Variants in CFAP54 observed in about 807,000 individuals in gnomAD.
CFAP54 encodes cilia and flagella associated protein 54.
Under a neutral mutation model 370.4 loss-of-function variants are expected in CFAP54, and 290 were observed. The observed-to-expected ratio is 0.78, with a 90% CI of 0.71 to 0.86. CFAP54 has a LOEUF of 0.86. CFAP54 is among the 40% of genes least tolerant of loss of function. CFAP54 has a pLI of 0.00. For missense variants in CFAP54, 3,399 were observed against 3,528.7 expected, an observed-to-expected ratio of 0.96 and a Z score of 0.93; for synonymous variants, 1,206 against 1,236.5, an observed-to-expected ratio of 0.98 and a Z score of 0.52.
chr12:96,623,420 C>A (rs575075133), intron 27 of CFAP54, among the ~76,000 whole-genome samples: 2 of 152,254 alleles, frequency 1.3e-5, no homozygotes, highest in African/African-American at 4.8e-5. Context: ...TTTCTGAGGG[C>A]AGGCTGGGAA....
At chr12:96,741,670 T>C (rs1446081644) in intron 51 of CFAP54, among the ~76,000 whole-genome samples, 1 of 152,216 alleles carries the variant, frequency 6.6e-6, no homozygotes, top group African/African-American at 2.4e-5. Flanking sequence ...AAGTTCCTAG[T>C]GTCTACGATG....
chr12:96,793,180 C>T (rs1958720796), intron 63 of CFAP54, among the ~76,000 whole-genome samples: 1 of 152,022 alleles, frequency 6.6e-6, no homozygotes, highest in Non-Finnish European at 1.5e-5. Flanking sequence ...TACCCTGCCT[C>T]ACCCCTGCTC....
chr12:96,752,144 C>T (rs1020019698), intron 55 of CFAP54, among the ~76,000 whole-genome samples: 18 of 93,488 alleles, frequency 1.9e-4, no homozygotes, highest in African/African-American at 5.3e-4. Context: ...TTGAGGCTGT[C>T]CATCATCCTG....
intron 9 of CFAP54, among the ~76,000 whole-genome samples, chr12:96,532,369 G>T (rs1407179127): frequency 6.6e-6 from 1 of 152,146 alleles, no homozygotes; most frequent in Non-Finnish European, 1.5e-5. Context: ...GGGCACATGT[G>T]GGTGCACATG....
intron 50 of CFAP54, among the ~76,000 whole-genome samples, chr12:96,734,459 A>T (rs1362905632): frequency 1.3e-5 from 2 of 152,134 alleles, no homozygotes; most frequent in Non-Finnish European, 2.9e-5. Context: ...CTCCATATGT[A>T]CTTTTGGATT....
Position 96,529,469 on chromosome 12 carries a change from C to G in CFAP54, c.1357+2025C>G, listed in dbSNP as rs146178190. The stretch of plus-strand genomic sequence containing the variant: ...AGTGGTTTTTTTTAGTTTGCACACC[C>G]ATCAACATTTTATCAGGGTTCCATT... On this transcript the variant is annotated intron_variant, in intron 9 of 67. Transcript: ENST00000524981. 4.3e-3 allele frequency among the ~76,000 whole-genome samples: 647 copies of G among 152,156 alleles called. 7 individuals are homozygous for G. Among genetic ancestry groups the G allele is most frequent in the African/African-American group, 0.015 (612 of 41,484 alleles).
chr12:96,645,850 A>C (rs563739557), intron 33 of CFAP54: 1 of 152,264 alleles, frequency 6.6e-6, no homozygotes, highest in African/African-American at 2.4e-5. Flanking sequence ...AAAATGGGGA[A>C]AGGATTCCCT....
At chr12:96,875,038 G>A (rs1257366529) in intron 67 of CFAP54, 80 bp from the exon 68 acceptor site, 10 of 152,152 alleles carry the variant, frequency 6.6e-5, no homozygotes, top group Admixed American at 6.5e-4. Flanking sequence ...GTTAACAGGT[G>A]AGGTGAAATG....
At chr12:96,692,472 A>T (rs1957398416) in intron 44 of CFAP54, among the ~76,000 whole-genome samples, 1 of 152,230 alleles carries the variant, frequency 6.6e-6, no homozygotes, top group African/African-American at 2.4e-5. Flanking sequence ...GCAGCAATAA[A>T]ATGGTGTGTT....
At chr12:96,624,675 G>A (rs1956532630) in intron 28 of CFAP54, among the ~76,000 whole-genome samples, 1 of 152,096 alleles carries the variant, frequency 6.6e-6, no homozygotes, top group South Asian at 2.1e-4. Context: ...CAAGTACGAG[G>A]CTCTACTTTT....
chr12:96,809,980 C>T (rs1185766614), intron 63 of CFAP54, among the ~76,000 whole-genome samples: 4 of 152,124 alleles, frequency 2.6e-5, no homozygotes, highest in African/African-American at 9.7e-5. Context: ...TACCTAACGT[C>T]CCTTAGCATA....
chr12:96,688,641 A>G (rs983635439), intron 42 of CFAP54, among the ~76,000 whole-genome samples: 1 of 152,166 alleles, frequency 6.6e-6, no homozygotes. Context: ...TAGTCTTAAT[A>G]TGTATGTATA....
intron 63 of CFAP54, among the ~76,000 whole-genome samples, chr12:96,809,092 T>A (rs1958907574): frequency 6.6e-6 from 1 of 152,206 alleles, no homozygotes; most frequent in Admixed American, 6.5e-5. Flanking sequence ...CCTAGTTCTT[T>A]ATTTGTGACT....
chr12:96,792,493 A>G lies in CFAP54; in HGVS notation c.8844A>G (p.Glu2948=). ...PPLDRPPKET[E]PMVLLLYAYN... ...TGGATAGACCTCCCAAGGAGACAGA[A>G]CCTATGGTATGTAATGTACTTATAG... The change falls in exon 63 of 68, where the codon GAA becomes GAG. Residue 2948 remains glutamate, a synonymous_variant. Transcript: ENST00000524981. The G allele has an allele frequency of 6.5e-7, 1 of 1,532,364 alleles. No individual in the cohort carries two copies. Among genetic ancestry groups the G allele is most frequent in the East Asian group, 2.4e-5 (1 of 40,856 alleles). 94.9% of individuals were successfully genotyped at this position (1,532,364 alleles called of 1,614,324 possible). A position where few individuals can be genotyped will look rare whatever the true frequency, so the allele number is the denominator to read the frequency against.
At chr12:96,585,869 G>A (rs1956072448) in intron 22 of CFAP54, among the ~76,000 whole-genome samples, 1 of 152,144 alleles carries the variant, frequency 6.6e-6, no homozygotes, top group South Asian at 2.1e-4. Context: ...GAAGTCCCTT[G>A]TGTAAGCAAT....
chr12:96,549,950 C>T (rs939432597), intron 15 of CFAP54, among the ~76,000 whole-genome samples: 1 of 152,138 alleles, frequency 6.6e-6, no homozygotes, highest in African/African-American at 2.4e-5. Flanking sequence ...ATATAACTTG[C>T]ATATATGCAT....
intron 46 of CFAP54, among the ~76,000 whole-genome samples, chr12:96,701,989 G>A (rs1241329826): frequency 6.6e-6 from 1 of 152,162 alleles, no homozygotes; most frequent in East Asian, 1.9e-4. Flanking sequence ...TTAGGAGGCT[G>A]TTGCAGATAA....
In CFAP54 at chr12:96,701,827, G is replaced by T. The variant is rs556566124; in HGVS notation, c.6474+1734G>T. Among the ~76,000 whole-genome samples the T allele has an allele frequency of 2.6e-5, 4 of 152,108 alleles. No homozygotes were observed. The East Asian group carries it at 7.7e-4, about 29-fold the overall frequency. On this transcript the variant is annotated intron_variant, in intron 46 of 67. Coordinates refer to ENST00000524981, the MANE Select transcript of CFAP54 (RefSeq NM_001306084.2). The stretch of plus-strand genomic sequence containing the variant: ...GTCAGATCATGTAAGACCTCATAGG[G>T]CTTGATAAGGACTGGAATTTTCTCT...
chr12:96,685,315 G>A, intron 42 of CFAP54, 77 bp downstream of exon 42: 1 of 1,299,428 alleles, frequency 7.7e-7, no homozygotes, highest in Non-Finnish European at 1.1e-6. Context: ...CATACAAAGT[G>A]CTATGCCTCA....
Sources: allele counts gnomAD v4.1 joint callset (sites outside exome capture counted in the v4.1 genomes callset), GRCh38; gene constraint gnomAD v4.1.1; transcripts MANE v1.5; gene names NCBI Gene and HGNC (gene_info 2026-07-23, HGNC 2026-07-21).